Variants in AGO1 observed in about 807,000 individuals in gnomAD.
The protein encoded by AGO1 is protein argonaute-1.
In AGO1, 11 loss-of-function variants were observed where a neutral mutation model predicts 109.2. That is an observed-to-expected ratio of 0.10 (90% confidence interval 0.06 to 0.17). The LOEUF is 0.17. AGO1 is among the 10% of genes least tolerant of loss of function. The probability of loss-of-function intolerance (pLI) is 1.00; values close to 1 mark genes in which losing one functional copy is unlikely to be tolerated. For synonymous variants in AGO1, 422 were observed against 418.6 expected, an observed-to-expected ratio of 1.01 and a Z score of -0.10; for missense variants, 574 against 1,140.3, an observed-to-expected ratio of 0.50 and a Z score of 7.15.
intron 1 of AGO1, among the ~76,000 whole-genome samples, chr1:35,884,092 C>CCCCCCG (rs1553153165): frequency 2.6e-5 from 4 of 151,308 alleles, no homozygotes; most frequent in Non-Finnish European, 4.4e-5. Context: ...TCTCCACACC[C>CCCCCCG]CCCCGCCCCG....
At chr1:35,874,157 A>G (rs903690537) in intron 1 of AGO1, among the ~76,000 whole-genome samples, 1 of 152,110 alleles carries the variant, frequency 6.6e-6, no homozygotes, top group Non-Finnish European at 1.5e-5. Flanking sequence ...TGATCTACCA[A>G]TGTCATGGGC....
At chr1:35,904,135 G>A (rs1033650315) in intron 11 of AGO1, among the ~76,000 whole-genome samples, 5 of 139,176 alleles carry the variant, frequency 3.6e-5, no homozygotes, top group African/African-American at 8.1e-5. Context: ...TTTTTGAGGC[G>A]GAGTCTCTCT....
chr1:35,904,651 T>G (rs1645486074), intron 11 of AGO1, among the ~76,000 whole-genome samples: 1 of 152,126 alleles, frequency 6.6e-6, no homozygotes, highest in Non-Finnish European at 1.5e-5. Flanking sequence ...GACACCTAGT[T>G]GTAAGGGGTA....
In AGO1 at chr1:35,893,404, C is replaced by A; in HGVS notation, c.512+126C>A. 9.3e-7 allele frequency: 1 copy of A among 1,074,574 alleles called. No homozygotes were observed. Among genetic ancestry groups the A allele is most frequent in the Non-Finnish European group, 1.3e-6 (1 of 759,546 alleles). The allele number at this position is 1,074,574 out of a possible 1,614,324, so 66.6% of individuals were successfully genotyped here. A position where few individuals can be genotyped will look rare whatever the true frequency, so the allele number is the denominator to read the frequency against. On this transcript the variant is annotated intron_variant, in intron 4 of 18. Transcript: ENST00000373204. This position sits in a 1 kb window ranked among gnomAD's most constrained non-coding sequence, Gnocchi z 5.6. ...AAAAAAATTATTTGAAGCCCTACCA[C>A]TTGCCAGGCAAATGTGTATTTATAT...
rs563681868 is a variant in AGO1 at position 35,869,905 on chromosome 1, C to G, written c.-201+2C>G. The G allele has an allele frequency of 6.6e-6, 1 of 152,244 alleles. No individual in the cohort carries two copies. Among genetic ancestry groups the G allele is most frequent in the East Asian group, 1.9e-4 (1 of 5,172 alleles). 9.4% of individuals were successfully genotyped at this position (152,244 alleles called of 1,614,324 possible). A position where few individuals can be genotyped will look rare whatever the true frequency, so the allele number is the denominator to read the frequency against. On this transcript the variant is annotated splice_donor_variant, in intron 1 of 18. Coordinates refer to the AGO1 transcript ENST00000373206. LOFTEE classifies it low-confidence loss of function (5UTR_SPLICE). ...GAAGAATTGGAGGACTATATTCAGG[C>G]AAGTAATTTAATCCGGTGTGCATTT...
At chr1:35,910,776 T>C (rs1645618643) in intron 12 of AGO1, among the ~76,000 whole-genome samples, 1 of 152,086 alleles carries the variant, frequency 6.6e-6, no homozygotes, top group South Asian at 2.1e-4. Flanking sequence ...TTGAAAATAA[T>C]GCTTCAGGCT....
rs1645262520 is a variant in AGO1, at chr1:35,893,617, G to GCCTC, written c.513-56_513-53dup. On this transcript the variant is annotated intron_variant, in intron 4 of 18. Coordinates refer to ENST00000373204, the MANE Select transcript of AGO1 (RefSeq NM_012199.5). This position sits in a 1 kb window ranked among gnomAD's most constrained non-coding sequence, Gnocchi z 5.6. ...GCCAGGGCTCCTCCGTGCCCAGGAT[G>GCCTC]CCTCACAGGGTGGGGGCCTGTGCCC... is the stretch of plus-strand genomic sequence containing the variant. The GCCTC allele has an allele frequency of 6.5e-7, 1 of 1,536,286 alleles. No individual in the cohort carries two copies. Among genetic ancestry groups the GCCTC allele is most frequent in the African/African-American group, 1.4e-5 (1 of 73,004 alleles).
upstream of AGO1, among the ~76,000 whole-genome samples, chr1:35,880,261 C>T (rs1645024540): frequency 6.6e-6 from 1 of 151,602 alleles, no homozygotes; most frequent in African/African-American, 2.4e-5. Context: ...GACCTTTGCC[C>T]TAGTGTAACT....
chr1:35,871,851 C>T (rs550536114), intron 1 of AGO1, among the ~76,000 whole-genome samples: 7 of 152,060 alleles, frequency 4.6e-5, no homozygotes, highest in African/African-American at 1.2e-4. Context: ...GGGTGGATCA[C>T]GAGGTCAGGA....
At position 35,920,355 on chromosome 1, in the gene AGO1, C is replaced by G. The variant is rs1324604644; in HGVS notation, c.*748C>G. The G allele has an allele frequency of 6.6e-6, 1 of 152,516 alleles. No individual in the cohort carries two copies. The highest frequency in any genetic ancestry group is 1.5e-5 in the Non-Finnish European group (1 of 68,064). 9.4% of individuals were successfully genotyped at this position (152,516 alleles called of 1,614,324 possible). Reference sequence around the variant, plus strand: ...CTTTGAAGTGACACGACCCTGTCTTCCTTCCGCCCGCTGGTGGGTAACCAG... The same window carrying G: ...CTTTGAAGTGACACGACCCTGTCTTGCTTCCGCCCGCTGGTGGGTAACCAG... On this transcript the variant is annotated 3_prime_UTR_variant, in exon 19 of 19. Transcript: ENST00000373204.
intron 14 of AGO1, among the ~76,000 whole-genome samples, chr1:35,915,035 C>A (rs1344073658): frequency 6.6e-6 from 1 of 152,066 alleles, no homozygotes; most frequent in Non-Finnish European, 1.5e-5. Context: ...TTCACATGCT[C>A]CTCTGCAAAG....
At chr1:35,915,241 C>G in intron 14 of AGO1, 107 bp from the exon 15 acceptor site, 1 of 917,734 alleles carries the variant, frequency 1.1e-6, no homozygotes, top group Non-Finnish European at 1.7e-6. Context: ...GTCTCAAGCC[C>G]TAGTCATTCA....
rs1396345472 is a variant in AGO1, at chr1:35,919,035, T to C, written c.2266-20T>C. On this transcript the variant is annotated intron_variant, in intron 17 of 18. Transcript: ENST00000373204. The surrounding 1 kb of genome is among the most constrained non-coding windows in gnomAD (Gnocchi z 6.6). ...TCTTCTCTGCCCAGCCTGGGACCCC[T>C]CACCTTCCTATCTTCCCAGGGCACC... 1.9e-6 allele frequency: 3 copies of C among 1,613,046 alleles called. No homozygotes were observed. Among genetic ancestry groups the C allele is most frequent in the Non-Finnish European group, 2.5e-6 (3 of 1,179,166 alleles).
At position 35,919,265 on chromosome 1, in the gene AGO1, G is replaced by C. The variant is rs772768616; in HGVS notation, c.2465+11G>C. The C allele has an allele frequency of 6.2e-7, 1 of 1,610,574 alleles. No individual in the cohort carries two copies. ...CAAGGAGCATGACAGGTGAGGCCTG[G>C]GATCAGGTTGGCCTCCTTTTTGCTT... On this transcript the variant is annotated intron_variant, in intron 18 of 18. Transcript: ENST00000373204. This position sits in a 1 kb window ranked among gnomAD's most constrained non-coding sequence, Gnocchi z 6.6.
At chr1:35,909,580 G>C (rs1455642452) in intron 12 of AGO1, among the ~76,000 whole-genome samples, 2 of 152,116 alleles carry the variant, frequency 1.3e-5, no homozygotes, top group Admixed American at 6.6e-5. Flanking sequence ...TTAATACCCA[G>C]TTTAAATACT....
chr1:35,901,873 T>G lies in AGO1; in HGVS notation c.1141-75T>G. ...CAACCCCAGCTTCTCCTTAGGGTTCTCTCCTTGATACCCAGAGGGTGAGCA... is the reference window on the plus strand; with the variant it reads ...CAACCCCAGCTTCTCCTTAGGGTTCGCTCCTTGATACCCAGAGGGTGAGCA... On this transcript the variant is annotated intron_variant, in intron 9 of 18. Coordinates refer to ENST00000373204, the MANE Select transcript of AGO1 (RefSeq NM_012199.5). The surrounding 1 kb of genome is among the most constrained non-coding windows in gnomAD (Gnocchi z 4.8). 1 of 1,519,058 alleles carries G rather than the reference T, an allele frequency of 6.6e-7. No homozygotes were observed. Among genetic ancestry groups the G allele is most frequent in the Non-Finnish European group, 8.8e-7 (1 of 1,134,024 alleles). The allele number at this position is 1,519,058 out of a possible 1,614,324, so 94.1% of individuals were successfully genotyped here.
At chr1:35,890,229 G>T (rs1006799405) in intron 2 of AGO1, among the ~76,000 whole-genome samples, 1 of 150,128 alleles carries the variant, frequency 6.7e-6, no homozygotes, top group Non-Finnish European at 1.5e-5. Flanking sequence ...CACTATGTTG[G>T]CCAGGCTGGT....
At chr1:35,885,116 C>G (rs1445368981) in intron 1 of AGO1, among the ~76,000 whole-genome samples, 3 of 151,404 alleles carry the variant, frequency 2.0e-5, no homozygotes, top group Non-Finnish European at 4.4e-5. Flanking sequence ...ACTGTGTAGT[C>G]GTAAGGATAA....
chr1:35,882,400 T>C (rs945347035), upstream of AGO1, among the ~76,000 whole-genome samples: 4 of 152,066 alleles, frequency 2.6e-5, no homozygotes, highest in South Asian at 8.3e-4. The surrounding 1 kb of genome is among the most constrained non-coding windows in gnomAD (Gnocchi z 5.1). Flanking sequence ...GAAAAGGACT[T>C]AGGCAATAGG....
Sources: allele counts gnomAD v4.1 joint callset (sites outside exome capture counted in the v4.1 genomes callset), GRCh38; gene constraint gnomAD v4.1.1; non-coding constraint Gnocchi (gnomAD v3.1); transcripts MANE v1.5; gene names NCBI Gene and HGNC (gene_info 2026-07-23, HGNC 2026-07-21).